NPAS3: variants seen among roughly 807,000 people sequenced by gnomAD.
NPAS3 encodes the protein neuronal PAS domain-containing protein 3.
In NPAS3, 14 loss-of-function variants were observed where a neutral mutation model predicts 73.1. The observed-to-expected ratio is 0.19, with a 90% CI of 0.13 to 0.30. The LOEUF (loss-of-function observed/expected upper bound fraction) is 0.30. NPAS3 is among the 10% of genes least tolerant of loss of function. The pLI is 1.00. For missense variants in NPAS3, 1,096 were observed against 1,250.0 expected, an observed-to-expected ratio of 0.88 and a Z score of 1.86; for synonymous variants, 620 against 541.5, an observed-to-expected ratio of 1.14 and a Z score of -2.01.
At chr14:33,731,904 C>T (rs2061412016) in intron 6 of NPAS3, among the ~76,000 whole-genome samples, 1 of 151,644 alleles carries the variant, frequency 6.6e-6, no homozygotes, top group African/African-American at 2.4e-5. Flanking sequence ...TTTTTTTCAG[C>T]TCCTAGTTTA....
chr14:33,371,647 A>G (rs1203156618), intron 4 of NPAS3, among the ~76,000 whole-genome samples: 1 of 152,198 alleles, frequency 6.6e-6, no homozygotes, highest in Non-Finnish European at 1.5e-5. Context: ...TATTTTGATT[A>G]CATCTAAAAA....
rs555299256 is a variant in NPAS3, at chr14:33,749,081, TAG to T, written c.852+13755_852+13756del. On this transcript the variant is annotated intron_variant, in intron 7 of 11. Transcript: ENST00000356141. ...TCAGTGAACTTTTGCACCTTGTTCT[TAG>T]AGAGACTATGGATGGACTAAAACCA... Among the ~76,000 whole-genome samples the T allele has an allele frequency of 2.2e-3, 341 of 152,276 alleles. 1 individual carries two copies. The highest frequency in any genetic ancestry group is 7.8e-3 in the African/African-American group (324 of 41,560).
At chr14:33,437,875 C>T (rs2049057885) in intron 4 of NPAS3, among the ~76,000 whole-genome samples, 1 of 152,136 alleles carries the variant, frequency 6.6e-6, no homozygotes, top group Non-Finnish European at 1.5e-5. Context: ...AGCCTCTCAC[C>T]AAAATCTTCA....
rs558213440 is a variant in NPAS3, at chr14:33,638,380, G to T, written c.559-37831G>T. Among the ~76,000 whole-genome samples, 32 of 152,294 alleles carry T rather than the reference G, an allele frequency of 2.1e-4. No homozygotes were observed. In the South Asian group the frequency reaches 5.4e-3, roughly 26 times the overall value. ...ATGAAAGCAGGAAGGATACTCTGGA[G>T]TCAGCAACTAGTGGGTTTGAACCCA... On this transcript the variant is annotated intron_variant, in intron 5 of 11. Transcript: ENST00000356141.
At chr14:33,132,091 A>G (rs2043659369) in intron 2 of NPAS3, among the ~76,000 whole-genome samples, 2 of 152,008 alleles carry the variant, frequency 1.3e-5, no homozygotes, top group African/African-American at 4.8e-5. Flanking sequence ...CAATGTAGCA[A>G]TTGGATTGGA....
chr14:33,648,667 A>G (rs992640877), intron 5 of NPAS3, among the ~76,000 whole-genome samples: 1 of 152,188 alleles, frequency 6.6e-6, no homozygotes, highest in African/African-American at 2.4e-5. Context: ...AACACATCCC[A>G]GTGCGTGTGT....
chr14:33,707,648 C>A (rs773807452), intron 6 of NPAS3, among the ~76,000 whole-genome samples: 13 of 152,268 alleles, frequency 8.5e-5, no homozygotes, highest in African/African-American at 3.1e-4. Flanking sequence ...AGAATTCCTG[C>A]CCAAGTGGAG....
intron 3 of NPAS3, among the ~76,000 whole-genome samples, chr14:33,340,472 G>A (rs2044422794): frequency 1.3e-5 from 2 of 152,234 alleles, no homozygotes; most frequent in South Asian, 2.1e-4. Flanking sequence ...TCCAGCCTGG[G>A]TGACAGAGGG....
chr14:33,375,925 G>T (rs1294219123), intron 4 of NPAS3, among the ~76,000 whole-genome samples: 1 of 152,150 alleles, frequency 6.6e-6, no homozygotes, highest in Non-Finnish European at 1.5e-5. Context: ...CACCTAAGTT[G>T]CTGGGCTTTA....
chr14:33,093,983 G>T (rs1454363677), intron 2 of NPAS3, among the ~76,000 whole-genome samples: 1 of 152,000 alleles, frequency 6.6e-6, no homozygotes, highest in Non-Finnish European at 1.5e-5. Flanking sequence ...GTGGGGGAAG[G>T]GGGAGGGATA....
intron 4 of NPAS3, among the ~76,000 whole-genome samples, chr14:33,391,656 G>GA (rs925241558): frequency 2.0e-4 from 31 of 152,112 alleles, no homozygotes; most frequent in African/African-American, 7.0e-4. Flanking sequence ...TGTGAACAAT[G>GA]TTTTTTTCAG....
chr14:33,666,826 C>G (rs1275057438), intron 5 of NPAS3, among the ~76,000 whole-genome samples: 1 of 152,106 alleles, frequency 6.6e-6, no homozygotes, highest in African/African-American at 2.4e-5. Context: ...ATTAAATGTA[C>G]TAGTTCGGTT....
intron 5 of NPAS3, among the ~76,000 whole-genome samples, chr14:33,631,668 C>G (rs2058380861): frequency 6.6e-6 from 1 of 152,194 alleles, no homozygotes; most frequent in African/African-American, 2.4e-5. Context: ...CGATCTGTAT[C>G]TTGTGAACTC....
intron 5 of NPAS3, among the ~76,000 whole-genome samples, chr14:33,607,456 AAGT>A (rs2057607638): frequency 6.6e-6 from 1 of 152,140 alleles, no homozygotes; most frequent in Non-Finnish European, 1.5e-5. Context: ...TAGGAAATGC[AAGT>A]TAATATGTAG....
intron 4 of NPAS3, among the ~76,000 whole-genome samples, chr14:33,473,393 A>C (rs1209832314): frequency 6.6e-6 from 1 of 152,208 alleles, no homozygotes; most frequent in Non-Finnish European, 1.5e-5. Flanking sequence ...GAAGTTGATG[A>C]ATTTAATTAG....
intron 4 of NPAS3, among the ~76,000 whole-genome samples, chr14:33,507,568 G>GAATATATATATTATATATTTATTA (rs2052826792): frequency 6.6e-6 from 1 of 151,914 alleles, no homozygotes; most frequent in Non-Finnish European, 1.5e-5. Context: ...TATATAACTA[G>GAATATATATATTATATATTTATTA]TAGAAAGAGG....
At chr14:33,100,339 T>G (rs570241196) in intron 2 of NPAS3, among the ~76,000 whole-genome samples, 2 of 152,172 alleles carry the variant, frequency 1.3e-5, no homozygotes, top group Admixed American at 1.3e-4. Flanking sequence ...AAAACTTTTG[T>G]CATGATGAGT....
chr14:33,637,437 A>G (rs900402226), intron 5 of NPAS3, among the ~76,000 whole-genome samples: 10 of 152,166 alleles, frequency 6.6e-5, no homozygotes, highest in Non-Finnish European at 1.5e-4. Context: ...TTTTCTCCCT[A>G]TGATGTTGAA....
chr14:33,152,477 C>A (rs1349508666), intron 2 of NPAS3, among the ~76,000 whole-genome samples: 5 of 152,044 alleles, frequency 3.3e-5, no homozygotes, highest in South Asian at 2.1e-4. Context: ...CCATGTGGTT[C>A]CCATTTCTTT....
Sources: gnomAD v4.1 joint callset for allele counts (sites outside exome capture counted in the v4.1 genomes callset) on GRCh38, gnomAD v4.1.1 for gene constraint, MANE v1.5 for transcripts, NCBI Gene and HGNC (gene_info 2026-07-23, HGNC 2026-07-21) for gene names.